The following ANKRD36 variants were observed in gnomAD, a reference collection of about 807,000 sequenced individuals.
ANKRD36 encodes the protein ankyrin repeat domain-containing protein 36A.
Under a neutral mutation model 278.1 loss-of-function variants are expected in ANKRD36, and 179 were observed. The observed-to-expected ratio is 0.64, with a 90% CI of 0.57 to 0.73. The LOEUF is 0.73. Ranked by LOEUF, ANKRD36 falls within the 30% of genes least tolerant of loss-of-function variation. ANKRD36 has a pLI of 0.00. For missense variants in ANKRD36, 1,159 were observed against 1,956.7 expected, an observed-to-expected ratio of 0.59 and a Z score of 7.69; for synonymous variants, 320 against 641.1, an observed-to-expected ratio of 0.50 and a Z score of 7.57.
chr2:97,126,367 T>C (rs1336057916), intron 5 of ANKRD36, among the ~76,000 whole-genome samples: 2 of 150,418 alleles, frequency 1.3e-5, no homozygotes, highest in Non-Finnish European at 3.0e-5. Flanking sequence ...TCTGTTAGTT[T>C]TCTGCCCTTG....
rs1162962239 is a variant in ANKRD36, at chr2:97,172,515, A to G, written c.1633+4748A>G. The stretch of plus-strand genomic sequence containing the variant: ...AAGTATTGGAAATCCTAGCAAGCAT[A>G]GCTGTATCTCTCCCATGGCTGTGTT... On this transcript the variant is annotated intron_variant, in intron 22 of 75. Coordinates refer to ENST00000420699, the MANE Select transcript of ANKRD36 (RefSeq NM_001354587.1). Among the ~76,000 whole-genome samples, 12 of 151,920 alleles carry G rather than the reference A, an allele frequency of 7.9e-5. 1 individual carries two copies. Among genetic ancestry groups the G allele is most frequent in the Non-Finnish European group, 1.3e-4 (9 of 67,976 alleles).
At position 97,118,378 on chromosome 2, in the gene ANKRD36, T is replaced by C. The variant is rs1434908276; in HGVS notation, c.347T>C (p.Leu116Pro). The stretch of plus-strand genomic sequence containing the variant: ...CTGAGGCAGGAGGCTTGTGCAACTC[T>C]TCTGCTGCAAAATGGCGCCAATCCA... Reference protein sequence around the residue: ...VQLRQEACATLLLQNGANPNI... With the variant: ...VQLRQEACATPLLQNGANPNI... The change falls in exon 3 of 76, where the codon CTT becomes CCT. Residue 116 changes from leucine (L) to proline (P), a missense_variant. Physicochemically the swap from Leu to Pro is moderately conservative, Grantham distance 98. Coordinates refer to ENST00000420699, the MANE Select transcript of ANKRD36 (RefSeq NM_001354587.1). 6.2e-7 allele frequency: 1 copy of C among 1,609,424 alleles called. No homozygotes were observed. The highest frequency in any genetic ancestry group is 1.1e-5 in the South Asian group (1 of 89,690).
intron 6 of ANKRD36, among the ~76,000 whole-genome samples, chr2:97,129,208 T>A (rs1407122916): frequency 2.6e-5 from 4 of 152,186 alleles, no homozygotes; most frequent in Admixed American, 1.3e-4. Flanking sequence ...TTGATTTGCA[T>A]TCCTCTGATG....
At chr2:97,226,549 CG>C (rs2069703268) in intron 67 of ANKRD36, among the ~76,000 whole-genome samples, 1 of 151,012 alleles carries the variant, frequency 6.6e-6, no homozygotes, top group African/African-American at 2.5e-5. Context: ...GAGTAGGTTG[CG>C]AAAATTTTCT....
At chr2:97,137,898 A>G (rs1166376358) in intron 6 of ANKRD36, among the ~76,000 whole-genome samples, 1 of 152,098 alleles carries the variant, frequency 6.6e-6, no homozygotes, top group Non-Finnish European at 1.5e-5. Context: ...GGCTGCATAA[A>G]TGTATTCTTT....
intron 5 of ANKRD36, among the ~76,000 whole-genome samples, chr2:97,126,612 A>G (rs908139253): frequency 2.0e-5 from 3 of 152,000 alleles, no homozygotes; most frequent in African/African-American, 7.2e-5. Context: ...AAATAGTTTC[A>G]GCAATAAATT....
intron 6 of ANKRD36, among the ~76,000 whole-genome samples, chr2:97,138,540 C>T (rs2042096753): frequency 6.6e-6 from 1 of 151,978 alleles, no homozygotes; most frequent in African/African-American, 2.4e-5. Flanking sequence ...GTGCTATACC[C>T]ATCAAACTAT....
chr2:97,206,089 T>TCC lies in ANKRD36; in HGVS notation c.3117_3118insCC (p.Leu1040ProfsTer2), dbSNP rs2062776126. Reference sequence around the variant, plus strand: ...CTACAAGTGATGAGGAAGATTCTGTTTTGAGTATAGCCAGAGAAAACAAGG... The same window carrying TCC: ...CTACAAGTGATGAGGAAGATTCTGTTCCTTGAGTATAGCCAGAGAAAACAAGG... On this transcript the variant is annotated frameshift_variant, in exon 52 of 76. Coordinates refer to ENST00000420699, the MANE Select transcript of ANKRD36 (RefSeq NM_001354587.1). LOFTEE classifies it high-confidence loss of function. 11 of 1,550,404 alleles carry TCC rather than the reference T, an allele frequency of 7.1e-6. No homozygotes were observed. Among genetic ancestry groups the TCC allele is most frequent in the Non-Finnish European group, 9.6e-6 (11 of 1,149,448 alleles).
At chr2:97,203,708 G>A (rs2062019258) in intron 48 of ANKRD36, among the ~76,000 whole-genome samples, 1 of 151,798 alleles carries the variant, frequency 6.6e-6, no homozygotes, top group Non-Finnish European at 1.5e-5. Flanking sequence ...AGACATGTGG[G>A]ATCATGTAGC....
chr2:97,211,517 AG>A, intron 56 of ANKRD36, 28 bp from the exon 57 acceptor site: 1 of 1,600,826 alleles, frequency 6.2e-7, no homozygotes, highest in African/African-American at 1.3e-5. Context: ...TTTACATATG[AG>A]TGATTATGTA....
intron 15 of ANKRD36, among the ~76,000 whole-genome samples, chr2:97,155,315 T>A (rs2047185663): frequency 6.9e-6 from 1 of 144,292 alleles, no homozygotes; most frequent in Non-Finnish European, 1.6e-5. Context: ...TATTACAAAT[T>A]GTGGAAATTT....
chr2:97,139,471 A>G (rs558154405), intron 6 of ANKRD36, among the ~76,000 whole-genome samples: 3 of 152,126 alleles, frequency 2.0e-5, no homozygotes, highest in African/African-American at 7.2e-5. Context: ...TCAGTGATAT[A>G]TATTTCAGAT....
chr2:97,150,393 G>T (rs2045592000), intron 12 of ANKRD36, among the ~76,000 whole-genome samples: 2 of 152,302 alleles, frequency 1.3e-5, no homozygotes, highest in African/African-American at 2.4e-5. Context: ...CTTGAAACTA[G>T]AAAACCTATT....
intron 62 of ANKRD36, chr2:97,215,876 G>A (rs2065800713): frequency 7.6e-6 from 4 of 528,478 alleles, no homozygotes; most frequent in Non-Finnish European, 1.3e-5. Context: ...AGAGGGAAAA[G>A]TGATCCTAAT....
At chr2:97,188,869 A>T (rs1301263519) in intron 32 of ANKRD36, among the ~76,000 whole-genome samples, 2 of 89,932 alleles carry the variant, frequency 2.2e-5, no homozygotes, top group Non-Finnish European at 3.9e-5. Flanking sequence ...GACGAATCAT[A>T]CCATGTTTGA....
At chr2:97,227,481 C>T (rs1374596158) in intron 67 of ANKRD36, among the ~76,000 whole-genome samples, 1 of 152,048 alleles carries the variant, frequency 6.6e-6, no homozygotes, top group African/African-American at 2.4e-5. Flanking sequence ...ATTTTGTATC[C>T]TGAGACTTTG....
Position 97,207,911 on chromosome 2 carries a change from A to G in ANKRD36, c.3193-23A>G. On this transcript the variant is annotated intron_variant, in intron 53 of 75. Transcript: ENST00000420699. ...ATGAAACATACTTTATTAATTTATTATTTCATTTGAAATTCCATTCAGGCT... is the reference window on the plus strand; with the variant it reads ...ATGAAACATACTTTATTAATTTATTGTTTCATTTGAAATTCCATTCAGGCT... 7.2e-6 allele frequency: 11 copies of G among 1,536,126 alleles called. 1 individual carries two copies. The highest frequency in any genetic ancestry group is 9.7e-6 in the Non-Finnish European group (11 of 1,139,564).
intron 64 of ANKRD36, 53 bp from the exon 65 acceptor site, chr2:97,218,997 T>C: frequency 6.5e-7 from 1 of 1,534,784 alleles, no homozygotes; most frequent in Non-Finnish European, 8.8e-7. Context: ...GAATGTATGG[T>C]TGGCCTTACC....
At chr2:97,214,099 AAAG>A (rs1228710144) in intron 60 of ANKRD36, among the ~76,000 whole-genome samples, 5 of 150,878 alleles carry the variant, frequency 3.3e-5, no homozygotes, top group East Asian at 2.0e-4. Context: ...GAAGGAGGGA[AAAG>A]AAGAAGTTAT....
Sources: gnomAD v4.1 joint callset for allele counts (sites outside exome capture counted in the v4.1 genomes callset) on GRCh38, gnomAD v4.1.1 for gene constraint, MANE v1.5 for transcripts, NCBI Gene and HGNC (gene_info 2026-07-23, HGNC 2026-07-21) for gene names.